Variants in GLI3 observed in about 807,000 individuals in gnomAD.
GLI3 encodes the protein transcription activator GLI3.
Under a neutral mutation model 100.8 loss-of-function variants are expected in GLI3, and 20 were observed. The observed-to-expected ratio is 0.20, with a 90% CI of 0.14 to 0.29. The LOEUF (loss-of-function observed/expected upper bound fraction) is 0.29, where lower values mean the gene tolerates loss of function less well. Among genes scored for constraint, GLI3 ranks in the 10% least tolerant of loss-of-function variants. The pLI is 1.00. For synonymous variants in GLI3, 938 were observed against 860.5 expected (o/e 1.09, Z -1.58); for missense variants, 2,040 against 2,128.5 (o/e 0.96, Z 0.82).
At chr7:42,036,684 G>A (rs1228375963) in intron 7 of GLI3, among the ~76,000 whole-genome samples, 2 of 152,172 alleles carry the variant, frequency 1.3e-5, no homozygotes, top group African/African-American at 4.8e-5. Flanking sequence ...CTGATGCACT[G>A]CCAATACCAA....
intron 2 of GLI3, among the ~76,000 whole-genome samples, chr7:42,152,754 G>A (rs1786903859): frequency 6.6e-6 from 1 of 152,172 alleles, no homozygotes; most frequent in African/African-American, 2.4e-5. Flanking sequence ...TCAATTACAA[G>A]ACAAACTTAA....
chr7:42,001,109 G>C (rs1032742158), intron 10 of GLI3, among the ~76,000 whole-genome samples: 5 of 151,820 alleles, frequency 3.3e-5, no homozygotes, highest in Non-Finnish European at 7.4e-5. Flanking sequence ...GCTGGGCGTG[G>C]TGGTGAGCGT....
intron 3 of GLI3, among the ~76,000 whole-genome samples, chr7:42,108,355 A>T (rs1785625420): frequency 6.6e-6 from 1 of 152,202 alleles, no homozygotes; most frequent in South Asian, 2.1e-4. Context: ...AGTCATGACC[A>T]GCATCTTCAG....
At chr7:42,256,635 A>G (rs1789087946) in intron 1 of GLI3, among the ~76,000 whole-genome samples, 1 of 152,190 alleles carries the variant, frequency 6.6e-6, no homozygotes, top group Admixed American at 6.5e-5. Context: ...TATTCCATTC[A>G]TCCATATGCC....
At chr7:42,072,778 G>A (rs1219798776) in intron 4 of GLI3, among the ~76,000 whole-genome samples, 1 of 152,198 alleles carries the variant, frequency 6.6e-6, no homozygotes, top group African/African-American at 2.4e-5. Context: ...AAGAGTATGT[G>A]TGTATAGATT....
intron 2 of GLI3, among the ~76,000 whole-genome samples, chr7:42,178,825 A>G (rs1787533793): frequency 6.6e-6 from 1 of 152,196 alleles, no homozygotes; most frequent in South Asian, 2.1e-4. Context: ...GGCAGGAGGC[A>G]GGCAGGCAGA....
intron 3 of GLI3, among the ~76,000 whole-genome samples, chr7:42,077,748 AT>A (rs1167541811): frequency 6.6e-6 from 1 of 152,078 alleles, no homozygotes; most frequent in Non-Finnish European, 1.5e-5. Context: ...AAAAAAAGTG[AT>A]TCACTGTAAA....
chr7:42,240,693 T>C (rs1179714832), upstream of GLI3, among the ~76,000 whole-genome samples: 1 of 152,220 alleles, frequency 6.6e-6, no homozygotes, highest in African/African-American at 2.4e-5. Flanking sequence ...TCATCTTAAC[T>C]AATTACATCT....
intron 2 of GLI3, among the ~76,000 whole-genome samples, chr7:42,167,560 A>G (rs574692634): frequency 1.3e-5 from 2 of 152,364 alleles, no homozygotes; most frequent in East Asian, 3.9e-4. Flanking sequence ...TTGAAAGATT[A>G]AAGAATAAAA....
intron 2 of GLI3, among the ~76,000 whole-genome samples, chr7:42,191,263 A>G (rs1787820258): frequency 6.6e-6 from 1 of 152,222 alleles, no homozygotes; most frequent in Non-Finnish European, 1.5e-5. Flanking sequence ...TTGAAAATAA[A>G]CATGCAGAAA....
At chr7:42,060,508 A>G (rs1173798432) in intron 4 of GLI3, among the ~76,000 whole-genome samples, 2 of 152,174 alleles carry the variant, frequency 1.3e-5, no homozygotes, top group African/African-American at 4.8e-5. Flanking sequence ...ATTGCCATGA[A>G]GAAAAAAAAT....
rs201755165 is a variant in GLI3 at position 42,056,094 on chromosome 7, G to C, written c.474-7398C>G. Among the ~76,000 whole-genome samples the C allele has an allele frequency of 4.0e-4, 61 of 152,290 alleles. 1 individual carries two copies. In the East Asian group the frequency reaches 8.1e-3, roughly 20 times the overall value. On this transcript the variant is annotated intron_variant, in intron 4 of 14. Coordinates refer to ENST00000395925, the MANE Select transcript of GLI3 (RefSeq NM_000168.6). ...GTGCCTTTCATCTTCCACCATGATTGTGAGGCCTCCCCAGCCACGTGGAAC... is the reference window on the plus strand; with the variant it reads ...GTGCCTTTCATCTTCCACCATGATTCTGAGGCCTCCCCAGCCACGTGGAAC...
At chr7:42,039,519 T>C (rs1327395506) in intron 7 of GLI3, among the ~76,000 whole-genome samples, 1 of 152,246 alleles carries the variant, frequency 6.6e-6, no homozygotes, top group East Asian at 1.9e-4. Flanking sequence ...AGATTTCCTC[T>C]GATATCTATG....
At chr7:42,248,637 G>C (rs1462860550) in intron 1 of GLI3, among the ~76,000 whole-genome samples, 1 of 152,078 alleles carries the variant, frequency 6.6e-6, no homozygotes, top group Non-Finnish European at 1.5e-5. Flanking sequence ...GGTACATGCT[G>C]ATAAGAAAAG....
chr7:42,060,847 C>T (rs1784553598), intron 4 of GLI3, among the ~76,000 whole-genome samples: 1 of 152,146 alleles, frequency 6.6e-6, no homozygotes, highest in African/African-American at 2.4e-5. Context: ...CATTTTCCAA[C>T]AATGCAGAAA....
intron 3 of GLI3, among the ~76,000 whole-genome samples, chr7:42,106,365 G>T (rs1785575262): frequency 6.6e-6 from 1 of 152,164 alleles, no homozygotes; most frequent in Non-Finnish European, 1.5e-5. Context: ...TCTTGCTCCT[G>T]CAGAAATCTA....
intron 12 of GLI3, among the ~76,000 whole-genome samples, chr7:41,973,839 A>C (rs963512477): frequency 1.2e-4 from 19 of 152,332 alleles, no homozygotes; most frequent in Admixed American, 3.9e-4. Flanking sequence ...TCACCTCCAA[A>C]CCTGAGACTC....
chr7:42,027,117 G>T (rs1789141185), intron 7 of GLI3, among the ~76,000 whole-genome samples: 1 of 152,178 alleles, frequency 6.6e-6, no homozygotes, highest in African/African-American at 2.4e-5. Context: ...GCATGCTAAT[G>T]ACTGTCACCA....
At chr7:42,056,936 C>T (rs528436361) in intron 4 of GLI3, among the ~76,000 whole-genome samples, 262 of 149,586 alleles carry the variant, frequency 1.8e-3, no homozygotes, top group South Asian at 2.3e-3. Context: ...GAGCTGAGAT[C>T]ACGCCATTGC....
Sources: gnomAD v4.1 joint callset for allele counts (sites outside exome capture counted in the v4.1 genomes callset) on GRCh38, gnomAD v4.1.1 for gene constraint, MANE v1.5 for transcripts, NCBI Gene and HGNC (gene_info 2026-07-23, HGNC 2026-07-21) for gene names.